Variants in DNM3 observed in about 807,000 individuals in gnomAD.
The protein encoded by DNM3 is dynamin 3, also known as dynamin-3.
Under a neutral mutation model 101.6 loss-of-function variants are expected in DNM3, and 47 were observed. That is an observed-to-expected ratio of 0.46 (90% CI 0.37 to 0.59). The LOEUF (loss-of-function observed/expected upper bound fraction) is 0.59, where lower values mean the gene tolerates loss of function less well. DNM3 is among the 20% of genes least tolerant of loss of function. DNM3 has a pLI of 0.00. For missense variants in DNM3, 849 were observed against 1,085.7 expected, an observed-to-expected ratio of 0.78 and a Z score of 3.06; for synonymous variants, 385 against 387.9, an observed-to-expected ratio of 0.99 and a Z score of 0.09.
intron 15 of DNM3, among the ~76,000 whole-genome samples, chr1:172,291,968 G>C (rs759409181): frequency 4.6e-5 from 7 of 151,992 alleles, no homozygotes; most frequent in Non-Finnish European, 1.0e-4. Flanking sequence ...TAGAAGGATG[G>C]GCCCAGACTA....
intron 4 of DNM3, among the ~76,000 whole-genome samples, chr1:172,001,566 G>C (rs2046361225): frequency 6.6e-6 from 1 of 152,044 alleles, no homozygotes; most frequent in African/African-American, 2.4e-5. Context: ...TCGCTAGGGA[G>C]GCAAATGTGT....
intron 2 of DNM3, among the ~76,000 whole-genome samples, chr1:171,940,298 A>C (rs2041726333): frequency 6.6e-6 from 1 of 152,036 alleles, no homozygotes; most frequent in African/African-American, 2.4e-5. Flanking sequence ...TTGTTTCATA[A>C]ATTTTTATCT....
rs1042709881 is a variant in DNM3, at chr1:172,073,705, AT to A, written c.1422+4803del. ...ACAAATACTCACAATAGTCACCAAA[AT>A]TTATCCAACAAAGTTGAAGAGCAGA... On this transcript the variant is annotated intron_variant, in intron 11 of 20. Coordinates refer to ENST00000627582, the MANE Select transcript of DNM3 (RefSeq NM_015569.5). 4.4e-4 allele frequency among the ~76,000 whole-genome samples: 67 copies of A among 152,282 alleles called. 1 individual carries two copies. Among genetic ancestry groups the A allele is most frequent in the African/African-American group, 1.4e-3 (57 of 41,548 alleles).
chr1:171,995,749 T>C (rs1363923356), intron 4 of DNM3, among the ~76,000 whole-genome samples: 2 of 152,184 alleles, frequency 1.3e-5, no homozygotes, highest in African/African-American at 4.8e-5. Flanking sequence ...TTAATGTACA[T>C]CTTTCCTGAT....
intron 1 of DNM3, among the ~76,000 whole-genome samples, chr1:171,906,468 A>C (rs1451907902): frequency 6.6e-6 from 1 of 151,914 alleles, no homozygotes; most frequent in Non-Finnish European, 1.5e-5. Flanking sequence ...CAGCAACAAA[A>C]CTTTTGATTC....
At chr1:172,234,589 C>A (rs1265666622) in intron 14 of DNM3, among the ~76,000 whole-genome samples, 2 of 152,056 alleles carry the variant, frequency 1.3e-5, no homozygotes, top group African/African-American at 2.4e-5. Context: ...AATCCTAAGC[C>A]AAAAGAACAA....
chr1:172,379,052 T>C lies in DNM3; in HGVS notation c.1928T>C (p.Phe643Ser), dbSNP rs1314158674. Residue 643 changes from phenylalanine to serine, a missense_variant, in exon 18 of 21, where the codon TTT becomes TCT. This residue lies in a region of DNM3 where 256 missense variants were observed against 311.7 expected (regional missense o/e 0.82). Coordinates refer to ENST00000627582, the MANE Select transcript of DNM3 (RefSeq NM_015569.5). Reference sequence around the variant, plus strand: ...GATGAGAATGGACAAGCAGAAAACTTTTCCATGGACCCACAATTGGAGAGG... The same window carrying C: ...GATGAGAATGGACAAGCAGAAAACTCTTCCATGGACCCACAATTGGAGAGG... The part of the protein sequence containing the change: ...ENDENGQAEN[F>S]SMDPQLERQV... The C allele has an allele frequency of 6.2e-7, 1 of 1,612,270 alleles. No individual in the cohort carries two copies. Among genetic ancestry groups the C allele is most frequent in the Admixed American group, 1.7e-5 (1 of 59,756 alleles).
Position 172,038,389 on chromosome 1 carries a change from T to C in DNM3, c.920T>C (p.Ile307Thr), listed in dbSNP as rs762348915. ...RNKLQGQLLSIEHEVEAYKNF... is the reference protein window; with the variant it reads ...RNKLQGQLLSTEHEVEAYKNF... ...AAACTACAGGGACAGTTGCTCTCCA[T>C]AGAACATGAAGTAGAAGCCTACAAA... The change falls in exon 7 of 21, where the codon ATA (isoleucine) becomes ACA (threonine). Residue 307 changes from isoleucine to threonine, a missense_variant. This residue lies in a region of DNM3 where 388 missense variants were observed against 483.0 expected (regional missense o/e 0.80). Coordinates refer to ENST00000627582, the MANE Select transcript of DNM3 (RefSeq NM_015569.5). 43 of 1,613,320 alleles carry C rather than the reference T, an allele frequency of 2.7e-5. No homozygotes were observed. Among genetic ancestry groups the C allele is most frequent in the Admixed American group, 6.7e-5 (4 of 59,906 alleles).
At position 172,409,388 on chromosome 1, in the gene DNM3, C is replaced by T. The variant is rs2071087108; in HGVS notation, c.*1547C>T. Reference sequence around the variant, plus strand: ...TAAAGTATAAAGTAAAAACTTTTAACCATTATTAAACAGAGAACTTGCCAT... The same window carrying T: ...TAAAGTATAAAGTAAAAACTTTTAATCATTATTAAACAGAGAACTTGCCAT... On this transcript the variant is annotated 3_prime_UTR_variant, in exon 21 of 21. Transcript: ENST00000627582. 5.1e-6 allele frequency: 5 copies of T among 984,994 alleles called. No individual in the cohort carries two copies. Among genetic ancestry groups the T allele is most frequent in the Non-Finnish European group, 6.0e-6 (5 of 829,584 alleles). 61.0% of individuals were successfully genotyped at this position (984,994 alleles called of 1,614,324 possible).
At chr1:172,148,716 T>G (rs1263985683) in intron 14 of DNM3, among the ~76,000 whole-genome samples, 2 of 152,108 alleles carry the variant, frequency 1.3e-5, no homozygotes, top group Non-Finnish European at 2.9e-5. Flanking sequence ...CTGACCTTAG[T>G]TCATTGCAAA....
intron 13 of DNM3, among the ~76,000 whole-genome samples, chr1:172,111,011 G>A (rs755074461): frequency 2.0e-5 from 3 of 152,222 alleles, no homozygotes; most frequent in Non-Finnish European, 4.4e-5. Flanking sequence ...ACTCCAGCCT[G>A]AGTGACAGAA....
chr1:172,039,222 GC>G (rs1010536174), intron 7 of DNM3, among the ~76,000 whole-genome samples: 1 of 152,018 alleles, frequency 6.6e-6, no homozygotes, highest in African/African-American at 2.4e-5. Context: ...AGGCTCCCCT[GC>G]CCAGCACACA....
At chr1:171,976,745 GT>G (rs1365535991) in intron 2 of DNM3, among the ~76,000 whole-genome samples, 1 of 152,140 alleles carries the variant, frequency 6.6e-6, no homozygotes, top group Non-Finnish European at 1.5e-5. Context: ...AAAGTTTTTT[GT>G]GGTTTTTTGA....
At chr1:172,314,218 G>A (rs563853476) in intron 16 of DNM3, among the ~76,000 whole-genome samples, 4 of 152,172 alleles carry the variant, frequency 2.6e-5, no homozygotes, top group African/African-American at 7.2e-5. Context: ...GCCCATCAAC[G>A]ATAGACTGGA....
intron 15 of DNM3, among the ~76,000 whole-genome samples, chr1:172,265,633 CA>C (rs1480668623): frequency 6.6e-6 from 1 of 152,148 alleles, no homozygotes; most frequent in Non-Finnish European, 1.5e-5. Flanking sequence ...ACTAAGGATT[CA>C]AATGCTCCTC....
At chr1:171,984,799 A>G (rs1263911051) in intron 2 of DNM3, among the ~76,000 whole-genome samples, 1 of 152,246 alleles carries the variant, frequency 6.6e-6, no homozygotes, top group Admixed American at 6.5e-5. Flanking sequence ...AATATTAATC[A>G]AATAAATAAA....
At chr1:172,046,787 G>A (rs1199580854) in intron 9 of DNM3, among the ~76,000 whole-genome samples, 3 of 152,048 alleles carry the variant, frequency 2.0e-5, no homozygotes, top group African/African-American at 4.8e-5. Flanking sequence ...CTTTTTAGCT[G>A]GGCAGATTTG....
chr1:171,963,669 C>A (rs1249163556), intron 2 of DNM3, among the ~76,000 whole-genome samples: 2 of 151,594 alleles, frequency 1.3e-5, no homozygotes, highest in African/African-American at 4.8e-5. Flanking sequence ...CTCTGTGAAC[C>A]TAAAGCTGCT....
chr1:172,313,523 A>C lies in DNM3; in HGVS notation c.1881+4684A>C, dbSNP rs186797843. ...AAGAATTCTGAATTTAAATTCCTTG[A>C]AACATAATGTGTGCCATGGAATGAG... On this transcript the variant is annotated intron_variant, in intron 16 of 20. Coordinates refer to ENST00000627582, the MANE Select transcript of DNM3 (RefSeq NM_015569.5). Among the ~76,000 whole-genome samples the C allele has an allele frequency of 2.8e-3, 421 of 152,334 alleles. 1 individual carries two copies. The highest frequency in any genetic ancestry group is 9.5e-3 in the African/African-American group (395 of 41,584).
Sources: allele counts gnomAD v4.1 joint callset (sites outside exome capture counted in the v4.1 genomes callset), GRCh38; gene constraint gnomAD v4.1.1; regional missense constraint gnomAD v4.1.1; transcripts MANE v1.5; gene names NCBI Gene and HGNC (gene_info 2026-07-23, HGNC 2026-07-21).